Variants in WWP1 observed in about 807,000 individuals in gnomAD.
WWP1 encodes NEDD4-like E3 ubiquitin-protein ligase WWP1.
Under a neutral mutation model 130.6 loss-of-function variants are expected in WWP1, and 49 were observed. The observed-to-expected ratio is 0.38, with a 90% CI of 0.30 to 0.48. WWP1 has a LOEUF of 0.48. Among genes scored for constraint, WWP1 ranks in the 20% least tolerant of loss-of-function variants. WWP1 has a pLI of 0.99. For missense variants in WWP1, 809 were observed against 1,100.6 expected (o/e 0.74, Z 3.75); for synonymous variants, 332 against 367.8 (o/e 0.90, Z 1.11).
chr8:86,344,410 G>A (rs1414002624), intron 1 of WWP1, among the ~76,000 whole-genome samples: 1 of 152,138 alleles, frequency 6.6e-6, no homozygotes, highest in Non-Finnish European at 1.5e-5. Flanking sequence ...TTTACCCCAC[G>A]GTGGCTGAAA....
chr8:86,408,453 C>G (rs973774549), intron 8 of WWP1, among the ~76,000 whole-genome samples: 2 of 152,196 alleles, frequency 1.3e-5, no homozygotes, highest in Non-Finnish European at 2.9e-5. Flanking sequence ...GGCTGTACTC[C>G]TGCATTCCCA....
At chr8:86,406,704 G>T (rs1459555151) in intron 8 of WWP1, among the ~76,000 whole-genome samples, 1 of 151,988 alleles carries the variant, frequency 6.6e-6, no homozygotes, top group Non-Finnish European at 1.5e-5. Flanking sequence ...CACACATATG[G>T]CTTCATGTAC....
intron 5 of WWP1, among the ~76,000 whole-genome samples, chr8:86,394,280 C>T (rs1023917984): frequency 3.9e-5 from 6 of 152,200 alleles, no homozygotes; most frequent in African/African-American, 1.4e-4. Context: ...TCAAATTGTT[C>T]TGTCTCAAAT....
chr8:86,432,007 T>G (rs1810003656), intron 14 of WWP1, among the ~76,000 whole-genome samples: 1 of 152,182 alleles, frequency 6.6e-6, no homozygotes, highest in African/African-American at 2.4e-5. Context: ...CAATAACCCC[T>G]TGAGGTAGAT....
intron 1 of WWP1, among the ~76,000 whole-genome samples, chr8:86,361,300 C>T (rs1279059589): frequency 6.6e-6 from 1 of 152,010 alleles, no homozygotes; most frequent in Non-Finnish European, 1.5e-5. Context: ...TTAACATATC[C>T]CCTTCTTTTA....
chr8:86,388,173 T>A (rs1339090587), intron 5 of WWP1, among the ~76,000 whole-genome samples: 5 of 151,828 alleles, frequency 3.3e-5, no homozygotes, highest in African/African-American at 4.8e-5. Context: ...TTTTTTTTTT[T>A]AAACAACTTT....
chr8:86,399,649 C>T (rs1807861061), intron 7 of WWP1, among the ~76,000 whole-genome samples: 2 of 152,048 alleles, frequency 1.3e-5, no homozygotes, highest in South Asian at 2.1e-4. Flanking sequence ...ATTTAATGTC[C>T]ATATAATTTA....
chr8:86,395,567 A>G (rs1807614872), intron 5 of WWP1, among the ~76,000 whole-genome samples: 1 of 152,156 alleles, frequency 6.6e-6, no homozygotes, highest in African/African-American at 2.4e-5. Flanking sequence ...TGACTAGCCT[A>G]AAGAAGACCT....
intron 9 of WWP1, among the ~76,000 whole-genome samples, chr8:86,420,679 G>C (rs1398035893): frequency 6.6e-6 from 1 of 152,134 alleles, no homozygotes; most frequent in Non-Finnish European, 1.5e-5. Flanking sequence ...TGTTGCCTTG[G>C]GGAGTGGAAA....
At position 86,348,997 on chromosome 8, in the gene WWP1, G is replaced by T. The variant is rs191642931; in HGVS notation, c.-115+6067G>T. Among the ~76,000 whole-genome samples the T allele has an allele frequency of 5.9e-5, 9 of 152,202 alleles. No individual in the cohort carries two copies. In the East Asian group the frequency reaches 1.7e-3, roughly 29 times the overall value. On this transcript the variant is annotated intron_variant, in intron 1 of 24. Transcript: ENST00000517970. ...CTTACCTGGTAGCTGATGGCTTAGG[G>T]CTCACAAGAGTACAAAACAGAAGCA...
At chr8:86,397,520 A>G (rs1398946864) in intron 5 of WWP1, among the ~76,000 whole-genome samples, 1 of 152,222 alleles carries the variant, frequency 6.6e-6, no homozygotes, top group Non-Finnish European at 1.5e-5. Flanking sequence ...TGTACATTAC[A>G]TTGTGCAATA....
chr8:86,464,381 G>GT (rs1489970627), intron 24 of WWP1, among the ~76,000 whole-genome samples: 4 of 151,990 alleles, frequency 2.6e-5, no homozygotes, highest in African/African-American at 2.4e-5. Flanking sequence ...AAGTAGTTGG[G>GT]TTTTTCCCAT....
At chr8:86,453,385 G>T (rs1209852993) in intron 21 of WWP1, among the ~76,000 whole-genome samples, 2 of 152,088 alleles carry the variant, frequency 1.3e-5, no homozygotes, top group Non-Finnish European at 2.9e-5. Context: ...TTTTTAGACT[G>T]AATAATACTC....
intron 21 of WWP1, among the ~76,000 whole-genome samples, chr8:86,453,373 C>A (rs78839962): frequency 0.038 from 5,777 of 152,182 alleles, 164 homozygotes; most frequent in Middle Eastern, 0.092. Context: ...GAATTTCTTC[C>A]TTTTTTAGAC....
At chr8:86,426,995 T>C (rs6994529) in intron 10 of WWP1, among the ~76,000 whole-genome samples, 110,832 of 151,742 alleles carry the variant, frequency 0.73, 41,332 homozygotes, top group African/African-American at 0.82. Context: ...ACCCCCATCT[T>C]TACTAAAAAT....
intron 20 of WWP1, among the ~76,000 whole-genome samples, chr8:86,450,159 C>T (rs1398836805): frequency 1.3e-5 from 2 of 152,206 alleles, no homozygotes; most frequent in South Asian, 2.1e-4. Context: ...TTCAAATTTA[C>T]CCCCTTAGTG....
chr8:86,439,106 G>A (rs1810455409), intron 17 of WWP1, among the ~76,000 whole-genome samples: 1 of 147,658 alleles, frequency 6.8e-6, no homozygotes, highest in Admixed American at 6.7e-5. Context: ...CACTTTGGGA[G>A]GCCAAGGCGG....
chr8:86,449,923 C>T (rs1475767924), intron 20 of WWP1, among the ~76,000 whole-genome samples: 1 of 152,006 alleles, frequency 6.6e-6, no homozygotes, highest in African/African-American at 2.4e-5. Context: ...TTCAGCTATT[C>T]CTGTCAATAG....
chr8:86,459,016 CTTTT>C (rs1357502758), intron 22 of WWP1, among the ~76,000 whole-genome samples: 1 of 125,832 alleles, frequency 7.9e-6, no homozygotes, highest in Non-Finnish European at 1.6e-5. Flanking sequence ...TTTTCTTTTT[CTTTT>C]TTCTTTTTTT....
Sources: gnomAD v4.1 joint callset for allele counts (sites outside exome capture counted in the v4.1 genomes callset) on GRCh38, gnomAD v4.1.1 for gene constraint, MANE v1.5 for transcripts, NCBI Gene and HGNC (gene_info 2026-07-23, HGNC 2026-07-21) for gene names.